The following MALRD1 variants were observed in gnomAD, a reference collection of about 807,000 sequenced individuals.
MALRD1 encodes the protein MAM and LDL receptor class A domain containing 1, also known as MAM and LDL-receptor class A domain-containing protein 1.
In MALRD1, 247 loss-of-function variants were observed where a neutral mutation model predicts 242.1. The observed-to-expected ratio is 1.02, with a 90% CI of 0.92 to 1.13. The LOEUF (loss-of-function observed/expected upper bound fraction) is 1.13. Ranked by LOEUF, MALRD1 falls within the 50% of genes most tolerant of loss-of-function variation. The pLI is 0.00. For synonymous variants in MALRD1, 995 were observed against 866.6 expected, an observed-to-expected ratio of 1.15 and a Z score of -2.60; for missense variants, 2,989 against 2,533.1, an observed-to-expected ratio of 1.18 and a Z score of -3.86.
intron 26 of MALRD1, among the ~76,000 whole-genome samples, chr10:19,362,142 G>A (rs1844920500): frequency 6.6e-6 from 1 of 152,080 alleles, no homozygotes; most frequent in Non-Finnish European, 1.5e-5. Context: ...CAGCCCGTGA[G>A]TCAAGAATTT....
intron 2 of MALRD1, among the ~76,000 whole-genome samples, chr10:19,087,201 T>A (rs1353317723): frequency 1.3e-5 from 2 of 152,078 alleles, no homozygotes; most frequent in Non-Finnish European, 2.9e-5. Flanking sequence ...CTGTCAAAAG[T>A]CTTCATCGAA....
At chr10:19,247,755 T>C (rs556065675) in intron 18 of MALRD1, among the ~76,000 whole-genome samples, 1 of 152,192 alleles carries the variant, frequency 6.6e-6, no homozygotes, top group East Asian at 1.9e-4. Context: ...ATAAAAACTT[T>C]AAAGTTACAT....
At chr10:19,122,733 A>G (rs1047950132) in intron 5 of MALRD1, among the ~76,000 whole-genome samples, 1 of 150,058 alleles carries the variant, frequency 6.7e-6, no homozygotes, top group African/African-American at 2.4e-5. Flanking sequence ...CACAGGCACA[A>G]TTTTTTTTTT....
chr10:19,712,678 T>C (rs893090104), intron 38 of MALRD1, among the ~76,000 whole-genome samples: 1 of 152,194 alleles, frequency 6.6e-6, no homozygotes, highest in Non-Finnish European at 1.5e-5. Context: ...TAAAAAATTA[T>C]GGTGAGTTTT....
intron 19 of MALRD1, among the ~76,000 whole-genome samples, chr10:19,269,211 T>C (rs766095231): frequency 1.5e-4 from 23 of 152,236 alleles, no homozygotes; most frequent in Non-Finnish European, 3.1e-4. Context: ...CTTGAAACCT[T>C]AATCCCCATT....
intron 2 of MALRD1, among the ~76,000 whole-genome samples, chr10:19,078,779 T>C (rs1236634309): frequency 2.0e-5 from 3 of 151,858 alleles, no homozygotes; most frequent in Non-Finnish European, 2.9e-5. Context: ...CCATCTCTTC[T>C]AGGTTATCTA....
chr10:19,412,474 C>T (rs959982349), intron 28 of MALRD1, among the ~76,000 whole-genome samples: 1 of 152,130 alleles, frequency 6.6e-6, no homozygotes, highest in African/African-American at 2.4e-5. Context: ...GCTGAAACGT[C>T]TCTGATATAA....
chr10:19,562,587 T>A (rs1836030894), intron 32 of MALRD1, among the ~76,000 whole-genome samples: 1 of 152,194 alleles, frequency 6.6e-6, no homozygotes, highest in African/African-American at 2.4e-5. Flanking sequence ...TGTGGTTCCA[T>A]GTGTCCCCCT....
chr10:19,616,182 C>G (rs1324200961), intron 36 of MALRD1, among the ~76,000 whole-genome samples: 3 of 151,884 alleles, frequency 2.0e-5, no homozygotes, highest in African/African-American at 7.2e-5. Flanking sequence ...ATAATACTCA[C>G]TATTCCTTGC....
intron 33 of MALRD1, among the ~76,000 whole-genome samples, chr10:19,592,592 A>T (rs1837855990): frequency 6.6e-6 from 1 of 152,204 alleles, no homozygotes; most frequent in African/African-American, 2.4e-5. Flanking sequence ...CCCAATGGCG[A>T]CCTTGAAAAG....
rs573639203 is a variant in MALRD1, at chr10:19,552,361, A to C, written c.5479-15141A>C. ...TAGATTTCCTAGTTCATGTGCATAG[A>C]GGTATTTATAATATTCTCTGATGGT... On this transcript the variant is annotated intron_variant, in intron 32 of 39. Transcript: ENST00000454679. 2.2e-3 allele frequency among the ~76,000 whole-genome samples: 340 copies of C among 152,220 alleles called. 1 individual carries two copies. The highest frequency in any genetic ancestry group is 7.6e-3 in the African/African-American group (317 of 41,552).
At position 19,048,961 on chromosome 10, in the gene MALRD1, T is replaced by C. The variant is rs1834407922; in HGVS notation, c.23T>C (p.Met8Thr). 3.2e-6 allele frequency: 4 copies of C among 1,233,918 alleles called. No homozygotes were observed. Among genetic ancestry groups the C allele is most frequent in the Non-Finnish European group, 4.0e-6 (4 of 988,138 alleles). The allele number at this position is 1,233,918 out of a possible 1,614,324, so 76.4% of individuals were successfully genotyped here. The change falls in exon 1 of 40, where the codon ATG becomes ACG. Residue 8 changes from methionine (M) to threonine (T), a missense_variant. Transcript: ENST00000454679. Reference protein sequence around the residue: MLFFLDRMLAFPMNETFC... With the variant: MLFFLDRTLAFPMNETFC... ...GTAATGCTCTTCTTCCTGGACAGAATGTTGGCATTCCCCATGAATGAAACT... is the reference window on the plus strand; with the variant it reads ...GTAATGCTCTTCTTCCTGGACAGAACGTTGGCATTCCCCATGAATGAAACT...
chr10:19,521,796 G>GCCCA (rs1478633616), intron 31 of MALRD1, among the ~76,000 whole-genome samples: 1 of 152,026 alleles, frequency 6.6e-6, no homozygotes, highest in East Asian at 1.9e-4. Flanking sequence ...CTAGGTAATT[G>GCCCA]TTAGTATCTC....
chr10:19,654,118 AT>A (rs1841022053), intron 36 of MALRD1, among the ~76,000 whole-genome samples: 2 of 152,238 alleles, frequency 1.3e-5, no homozygotes. Flanking sequence ...TGAATTTGTG[AT>A]TTTTTTGAAA....
chr10:19,339,608 T>C (rs10400122), intron 24 of MALRD1, among the ~76,000 whole-genome samples: 84,102 of 151,970 alleles, frequency 0.55, 23,483 homozygotes, highest in Non-Finnish European at 0.58. Context: ...CAGCACTCCA[T>C]TACAAGTACT....
upstream of MALRD1, among the ~76,000 whole-genome samples, chr10:19,048,482 GT>G (rs1479568713): frequency 6.6e-6 from 1 of 152,128 alleles, no homozygotes; most frequent in Non-Finnish European, 1.5e-5. Flanking sequence ...TTTTGAATAT[GT>G]TTTAGTGTCC....
rs1838551000 is a variant in MALRD1 at position 19,238,471 on chromosome 10, ATATAATATAC to A, written c.2992-19212_2992-19203del. On this transcript the variant is annotated intron_variant, in intron 18 of 39. Coordinates refer to ENST00000454679, the MANE Select transcript of MALRD1 (RefSeq NM_001142308.3). The stretch of plus-strand genomic sequence containing the variant: ...CATTATATATAATATATAATATAAT[ATATAATATAC>A]ATTATATATAATATATAATATAATA... 4.7e-5 allele frequency among the ~76,000 whole-genome samples: 2 copies of A among 42,908 alleles called. 1 individual carries two copies. The highest frequency in any genetic ancestry group is 1.8e-3 in the East Asian group (2 of 1,118). 28.1% of individuals were successfully genotyped at this position (42,908 alleles called of 152,430 possible).
At chr10:19,063,272 A>C (rs545012080) in intron 1 of MALRD1, among the ~76,000 whole-genome samples, 119 of 152,332 alleles carry the variant, frequency 7.8e-4, no homozygotes, top group Non-Finnish European at 1.3e-3. Flanking sequence ...GTACATCATT[A>C]ATATTGACCC....
chr10:19,409,158 G>C (rs561373294), intron 28 of MALRD1, among the ~76,000 whole-genome samples: 9 of 152,252 alleles, frequency 5.9e-5, no homozygotes, highest in African/African-American at 1.4e-4. Context: ...CAATGAAAAA[G>C]AGCAAACTAT....
Sources: allele counts gnomAD v4.1 joint callset (sites outside exome capture counted in the v4.1 genomes callset), GRCh38; gene constraint gnomAD v4.1.1; transcripts MANE v1.5; gene names NCBI Gene and HGNC (gene_info 2026-07-23, HGNC 2026-07-21).